Variants in ATRNL1 observed in about 807,000 individuals in gnomAD.
ATRNL1 encodes attractin like 1.
In ATRNL1, 95 loss-of-function variants were observed where a neutral mutation model predicts 182.7. That is an observed-to-expected ratio of 0.52 (90% CI 0.44 to 0.62). The LOEUF (loss-of-function observed/expected upper bound fraction) is 0.62, where lower values mean the gene tolerates loss of function less well. Ranked by LOEUF, ATRNL1 falls within the 20% of genes least tolerant of loss-of-function variation. The pLI, the probability that ATRNL1 is intolerant of heterozygous loss-of-function variation, is 0.00. For synonymous variants in ATRNL1, 576 were observed against 568.3 expected (o/e 1.01, Z -0.19); for missense variants, 1,471 against 1,679.5 (o/e 0.88, Z 2.17).
At chr10:115,418,984 G>C (rs1845531024) in intron 20 of ATRNL1, among the ~76,000 whole-genome samples, 1 of 152,122 alleles carries the variant, frequency 6.6e-6, no homozygotes, top group African/African-American at 2.4e-5. Context: ...TACTTACATT[G>C]ATTGTTAGGC....
Position 115,694,945 on chromosome 10 carries a change from A to G in ATRNL1, c.3796-32303A>G, listed in dbSNP as rs377580695. Among the ~76,000 whole-genome samples, 9 of 60,786 alleles carry G rather than the reference A, an allele frequency of 1.5e-4. No individual in the cohort carries two copies. The East Asian group carries it at 6.6e-3, about 45-fold the overall frequency. 39.9% of individuals were successfully genotyped at this position (60,786 alleles called of 152,430 possible). On this transcript the variant is annotated intron_variant, in intron 26 of 28. Transcript: ENST00000355044. ...CACACACACACATGCACACACGCACACACACACACACACACAGAGTATCTT... is the reference window on the plus strand; with the variant it reads ...CACACACACACATGCACACACGCACGCACACACACACACACAGAGTATCTT...
At chr10:115,736,690 G>A (rs1480031642) in intron 27 of ATRNL1, among the ~76,000 whole-genome samples, 2 of 152,270 alleles carry the variant, frequency 1.3e-5, no homozygotes, top group East Asian at 1.9e-4. Flanking sequence ...AAAACCAAGG[G>A]CCTCTCTTTA....
intron 26 of ATRNL1, among the ~76,000 whole-genome samples, chr10:115,598,983 T>G (rs1576154): frequency 0.29 from 43,788 of 152,072 alleles, 7,377 homozygotes; most frequent in East Asian, 0.62. Flanking sequence ...GGTTTAAATA[T>G]TTTTTTACCC....
chr10:115,774,592 A>G (rs1010961988), intron 27 of ATRNL1, among the ~76,000 whole-genome samples: 7 of 152,106 alleles, frequency 4.6e-5, no homozygotes, highest in Admixed American at 2.6e-4. Flanking sequence ...TTACATTCCA[A>G]TTCAAACTTG....
intron 27 of ATRNL1, among the ~76,000 whole-genome samples, chr10:115,749,097 T>G (rs570588741): frequency 7.3e-4 from 111 of 152,028 alleles, no homozygotes; most frequent in African/African-American, 2.5e-3. Context: ...GTTCTTAAGT[T>G]AATCAGTTAG....
chr10:115,736,517 A>G (rs1947955900), intron 27 of ATRNL1, among the ~76,000 whole-genome samples: 1 of 152,116 alleles, frequency 6.6e-6, no homozygotes, highest in Admixed American at 6.5e-5. Flanking sequence ...AATATCTGAA[A>G]TCCTTGGAAA....
chr10:115,753,441 T>C (rs1948504206), intron 27 of ATRNL1, among the ~76,000 whole-genome samples: 1 of 152,140 alleles, frequency 6.6e-6, no homozygotes, highest in African/African-American at 2.4e-5. Flanking sequence ...TTTTCCGTTC[T>C]CGTGTTAGTT....
chr10:115,745,261 C>T (rs1948257876), intron 27 of ATRNL1, among the ~76,000 whole-genome samples: 2 of 152,016 alleles, frequency 1.3e-5, no homozygotes, highest in South Asian at 4.2e-4. Flanking sequence ...GTTTCTTTCA[C>T]TTAGCACAAT....
intron 25 of ATRNL1, among the ~76,000 whole-genome samples, chr10:115,519,846 C>T (rs1850829503): frequency 6.6e-6 from 1 of 152,090 alleles, no homozygotes; most frequent in South Asian, 2.1e-4. Context: ...TGCTAATTTG[C>T]AATATGTCAT....
chr10:115,803,713 GT>G (rs1199520968), intron 27 of ATRNL1, among the ~76,000 whole-genome samples: 1 of 151,122 alleles, frequency 6.6e-6, no homozygotes, highest in African/African-American at 2.4e-5. Flanking sequence ...ATTTTTCCAT[GT>G]TTTTTTCTTT....
intron 5 of ATRNL1, among the ~76,000 whole-genome samples, chr10:115,141,062 G>T (rs1176822852): frequency 6.6e-6 from 1 of 152,036 alleles, no homozygotes; most frequent in Non-Finnish European, 1.5e-5. Context: ...TTATGTGCTT[G>T]TATGATTCTT....
intron 26 of ATRNL1, among the ~76,000 whole-genome samples, chr10:115,582,315 G>A (rs1233388770): frequency 7.5e-5 from 11 of 145,696 alleles, no homozygotes; most frequent in African/African-American, 2.8e-4. Flanking sequence ...CTGAGGAATC[G>A]CCACACTGAC....
At chr10:115,113,644 C>T (rs1844352946) in intron 1 of ATRNL1, among the ~76,000 whole-genome samples, 3 of 152,314 alleles carry the variant, frequency 2.0e-5, no homozygotes, top group South Asian at 4.1e-4. Flanking sequence ...TAAGACATGA[C>T]TTGCTCCTCC....
Position 115,334,322 on chromosome 10 carries a change from T to C in ATRNL1, c.3078T>C (p.Asn1026=). 2 of 1,592,764 alleles carry C rather than the reference T, an allele frequency of 1.3e-6. No homozygotes were observed. The highest frequency in any genetic ancestry group is 1.7e-6 in the Non-Finnish European group (2 of 1,166,224). ...GACATAGCACTTGCATCAATAATAA[T>C]GTGTGCGAACAGTGTAAAAATCTCA... The part of the protein sequence containing the change: ...CNGHSTCINN[N]VCEQCKNLTT... Residue 1026 remains asparagine, a synonymous_variant, in exon 19 of 29, where the codon AAT becomes AAC. Coordinates refer to ENST00000355044, the MANE Select transcript of ATRNL1 (RefSeq NM_207303.4).
At chr10:115,346,739 T>C (rs1855993638) in intron 19 of ATRNL1, among the ~76,000 whole-genome samples, 1 of 152,060 alleles carries the variant, frequency 6.6e-6, no homozygotes, top group African/African-American at 2.4e-5. Flanking sequence ...GGGCTTTTTT[T>C]GCTGTTGAAT....
intron 19 of ATRNL1, among the ~76,000 whole-genome samples, chr10:115,367,654 CT>C (rs1857126771): frequency 7.0e-6 from 1 of 142,626 alleles, no homozygotes; most frequent in South Asian, 2.3e-4. Flanking sequence ...GTGGTTTTAT[CT>C]ACTTTTGGTC....
chr10:115,329,802 A>G (rs1245986505), intron 18 of ATRNL1, among the ~76,000 whole-genome samples: 2 of 152,094 alleles, frequency 1.3e-5, no homozygotes, highest in African/African-American at 4.8e-5. Context: ...GGCAGTATGT[A>G]GTTGGGTCTT....
At chr10:115,407,985 C>CTTT (rs71010022) in intron 20 of ATRNL1, among the ~76,000 whole-genome samples, 38 of 97,804 alleles carry the variant, frequency 3.9e-4, no homozygotes, top group East Asian at 6.5e-4. Context: ...ATTTGCATTT[C>CTTT]TTTTTTTTTT....
chr10:115,824,141 G>A (rs1023413973), intron 27 of ATRNL1, among the ~76,000 whole-genome samples: 2 of 152,104 alleles, frequency 1.3e-5, no homozygotes, highest in Non-Finnish European at 2.9e-5. Flanking sequence ...ACAACCATCT[G>A]ATGTTTGACA....
Sources: gnomAD v4.1 joint callset for allele counts (sites outside exome capture counted in the v4.1 genomes callset) on GRCh38, gnomAD v4.1.1 for gene constraint, MANE v1.5 for transcripts, NCBI Gene and HGNC (gene_info 2026-07-23, HGNC 2026-07-21) for gene names.